Variants in WDR17 observed in about 807,000 individuals in gnomAD.
WDR17 encodes the protein WD repeat domain 17.
In WDR17, 143 loss-of-function variants were observed where a neutral mutation model predicts 161.7. That is an observed-to-expected ratio of 0.88 (90% CI 0.77 to 1.02). The LOEUF is 1.02. WDR17 is among the 50% of genes least tolerant of loss of function. The probability of loss-of-function intolerance (pLI) is 0.00; values close to 1 mark genes in which losing one functional copy is unlikely to be tolerated. For missense variants in WDR17, 1,469 were observed against 1,520.9 expected, an observed-to-expected ratio of 0.97 and a Z score of 0.57; for synonymous variants, 517 against 515.6, an observed-to-expected ratio of 1.00 and a Z score of -0.04.
chr4:176,070,780 C>T (rs1733133035), intron 1 of WDR17, among the ~76,000 whole-genome samples: 1 of 152,134 alleles, frequency 6.6e-6, no homozygotes, highest in Non-Finnish European at 1.5e-5. Flanking sequence ...CTTGGCCTGC[C>T]AAAGTCCTGG....
At position 176,162,245 on chromosome 4, in the gene WDR17, G is replaced by A; in HGVS notation, c.2850+71G>A. 5.8e-6 allele frequency: 8 copies of A among 1,377,966 alleles called. No individual in the cohort carries two copies. In the South Asian group the frequency reaches 8.9e-5, roughly 15 times the overall value. 85.4% of individuals were successfully genotyped at this position (1,377,966 alleles called of 1,614,324 possible). On this transcript the variant is annotated intron_variant, in intron 21 of 28. Coordinates refer to ENST00000508596, the MANE Select transcript of WDR17 (RefSeq NM_181265.4). Reference sequence around the variant, plus strand: ...TATGTCATGGTGTTTGAGAGGAAAAGATATGGTGACTTTCTATGTGAGATC... The same window carrying A: ...TATGTCATGGTGTTTGAGAGGAAAAAATATGGTGACTTTCTATGTGAGATC...
At chr4:176,133,378 TAAAAAAAAAAAAAA>T (rs571544131) in intron 7 of WDR17, among the ~76,000 whole-genome samples, 1 of 72,994 alleles carries the variant, frequency 1.4e-5, no homozygotes, top group Non-Finnish European at 2.9e-5. Flanking sequence ...TCTACTAAGC[TAAAAAAAAAAAAAA>T]AAAAAAAAAA....
intron 1 of WDR17, among the ~76,000 whole-genome samples, chr4:176,070,953 A>G (rs6830231): frequency 0.52 from 79,445 of 152,036 alleles, 22,166 homozygotes; most frequent in South Asian, 0.63. Context: ...GCCAGCATTA[A>G]GTGACTTTCT....
intron 20 of WDR17, among the ~76,000 whole-genome samples, 193 bp downstream of exon 20, chr4:176,161,195 G>C (rs892627996): frequency 1.3e-5 from 2 of 152,156 alleles, no homozygotes; most frequent in African/African-American, 4.8e-5. Flanking sequence ...TGGAGACTCT[G>C]TTTATACACA....
chr4:176,120,288 T>TATATATATATATATATA (rs1174111501), intron 4 of WDR17, among the ~76,000 whole-genome samples, 191 bp downstream of exon 4: 3 of 136,516 alleles, frequency 2.2e-5, no homozygotes, highest in African/African-American at 8.3e-5. Flanking sequence ...ATTTGAAGTT[T>TATATATATATATATATA]TATATATATA....
At chr4:176,127,314 A>G (rs1415356012) in intron 5 of WDR17, among the ~76,000 whole-genome samples, 5 of 148,344 alleles carry the variant, frequency 3.4e-5, no homozygotes, top group Non-Finnish European at 1.5e-5. Context: ...TTTTTTTGAG[A>G]CAGTGTCTCG....
chr4:176,102,249 C>T (rs1181346532), intron 1 of WDR17, among the ~76,000 whole-genome samples: 1 of 152,072 alleles, frequency 6.6e-6, no homozygotes, highest in Non-Finnish European at 1.5e-5. Flanking sequence ...GACAAGTGAG[C>T]ATGTGAAAAA....
At position 176,160,039 on chromosome 4, in the gene WDR17, A is replaced by G. The variant is rs981875823; in HGVS notation, c.2571A>G (p.Pro857=). The G allele has an allele frequency of 2.5e-6, 4 of 1,613,158 alleles. No individual in the cohort carries two copies. Among genetic ancestry groups the G allele is most frequent in the Non-Finnish European group, 3.4e-6 (4 of 1,179,442 alleles). The change falls in exon 19 of 29, where the codon CCA becomes CCG. Residue 857 remains proline (P), a synonymous_variant. Coordinates refer to ENST00000508596, the MANE Select transcript of WDR17 (RefSeq NM_181265.4). ...LIQEDKDDVI[P]YCIAIGDVKK... is the part of the protein sequence containing the mutation. The stretch of plus-strand genomic sequence containing the variant: ...AGGAAGATAAGGATGATGTCATTCC[A>G]TACTGCATAGCCATTGGTGATGTGA...
Position 176,067,798 on chromosome 4 carries a change from G to A in WDR17, c.-7+1719G>A, listed in dbSNP as rs145509625. On this transcript the variant is annotated intron_variant, in intron 1 of 28. Coordinates refer to ENST00000508596, the MANE Select transcript of WDR17 (RefSeq NM_181265.4). ...CTTTAGTCTGGGAAAGGAGGGACAGGGCCAGTGGCAGTTTTTTAATTACTT... is the reference window on the plus strand; with the variant it reads ...CTTTAGTCTGGGAAAGGAGGGACAGAGCCAGTGGCAGTTTTTTAATTACTT... 4.5e-3 allele frequency among the ~76,000 whole-genome samples: 678 copies of A among 152,240 alleles called. 8 individuals carry two copies. Among genetic ancestry groups the A allele is most frequent in the African/African-American group, 0.016 (657 of 41,548 alleles).
At position 176,112,525 on chromosome 4, in the gene WDR17, A is replaced by G. The variant is rs1440095427; in HGVS notation, c.123+822A>G. 2.0e-5 allele frequency among the ~76,000 whole-genome samples: 3 copies of G among 152,112 alleles called. No homozygotes were observed. The East Asian group carries it at 5.8e-4, about 29-fold the overall frequency. The stretch of plus-strand genomic sequence containing the variant: ...TTACTCTGTGTTCCAGTTATACCAA[A>G]CCAATTACATTTTTCTAAGACATCT... On this transcript the variant is annotated intron_variant, in intron 2 of 28. Transcript: ENST00000508596.
chr4:176,130,715 A>T (rs946641661), intron 6 of WDR17, among the ~76,000 whole-genome samples: 2 of 150,408 alleles, frequency 1.3e-5, no homozygotes, highest in Non-Finnish European at 3.0e-5. Flanking sequence ...ACAGCACTCC[A>T]GCCCGGGCAA....
chr4:176,089,685 G>A (rs972460382), intron 1 of WDR17, among the ~76,000 whole-genome samples: 2 of 152,120 alleles, frequency 1.3e-5, no homozygotes, highest in Admixed American at 1.3e-4. Flanking sequence ...GAGTGAGAGA[G>A]CTTTTTTTGC....
chr4:176,113,909 A>G (rs1740185493), intron 2 of WDR17, among the ~76,000 whole-genome samples: 1 of 152,042 alleles, frequency 6.6e-6, no homozygotes, highest in African/African-American at 2.4e-5. Context: ...TTTATGGTCA[A>G]TCTCAATGTA....
chr4:176,182,709 T>C lies in WDR17; in HGVS notation c.*3130T>C, dbSNP rs926637466. On this transcript the variant is annotated 3_prime_UTR_variant, in exon 29 of 29. Transcript: ENST00000508596. This position sits in a 1 kb window ranked among gnomAD's most constrained non-coding sequence, Gnocchi z 4.2. ...GAAATATGTACTTTCATGCTAAAAT[T>C]ATATATCATGACTGTGCTATAATTT... The C allele has an allele frequency of 5.3e-5, 8 of 152,146 alleles. No individual in the cohort carries two copies. The highest frequency in any genetic ancestry group is 1.0e-4 in the Non-Finnish European group (7 of 68,012). 9.4% of individuals were successfully genotyped at this position (152,146 alleles called of 1,614,324 possible). A position where few individuals can be genotyped will look rare whatever the true frequency, so the allele number is the denominator to read the frequency against.
intron 1 of WDR17, 94 bp downstream of exon 1, chr4:176,066,173 C>G (rs1371914497): frequency 1.3e-5 from 2 of 152,426 alleles, no homozygotes; most frequent in African/African-American, 2.4e-5. Context: ...GAGAGGGGCT[C>G]TGACCTCCCT....
intron 7 of WDR17, 96 bp from the exon 8 acceptor site, chr4:176,135,012 C>T (rs1046419993): frequency 4.2e-5 from 52 of 1,238,770 alleles, no homozygotes; most frequent in Admixed American, 2.4e-4. Flanking sequence ...TTTGGAAAAC[C>T]GTATACATGT....
chr4:176,175,629 C>A (rs1174827759), intron 26 of WDR17, among the ~76,000 whole-genome samples: 1 of 152,162 alleles, frequency 6.6e-6, no homozygotes, highest in East Asian at 1.9e-4. Context: ...ACAATCTCAG[C>A]CCACTGCAAC....
intron 1 of WDR17, among the ~76,000 whole-genome samples, chr4:176,107,385 A>C (rs1738915817): frequency 1.3e-5 from 2 of 150,098 alleles, no homozygotes; most frequent in Admixed American, 1.3e-4. Flanking sequence ...GTTTTGCAAA[A>C]AAGTAAAAAT....
intron 1 of WDR17, among the ~76,000 whole-genome samples, chr4:176,081,759 C>A (rs1734774521): frequency 6.6e-6 from 1 of 152,250 alleles, no homozygotes; most frequent in South Asian, 2.1e-4. Flanking sequence ...GAGAATAACA[C>A]CATAGATTTC....
Sources: gnomAD v4.1 joint callset for allele counts (sites outside exome capture counted in the v4.1 genomes callset) on GRCh38, gnomAD v4.1.1 for gene constraint, Gnocchi (gnomAD v3.1) non-coding constraint, MANE v1.5 for transcripts, NCBI Gene and HGNC (gene_info 2026-07-23, HGNC 2026-07-21) for gene names.